Variants in CCDC191 observed in about 807,000 individuals in gnomAD.
The protein encoded by CCDC191 is coiled-coil domain containing 191, also known as coiled-coil domain-containing protein 191.
In CCDC191, 99 loss-of-function variants were observed where a neutral mutation model predicts 114.0. That is an observed-to-expected ratio of 0.87 (90% confidence interval 0.74 to 1.03). The LOEUF (loss-of-function observed/expected upper bound fraction) is 1.03, where lower values mean the gene tolerates loss of function less well. Ranked by LOEUF, CCDC191 falls within the 50% of genes least tolerant of loss-of-function variation. The probability of loss-of-function intolerance (pLI) is 0.00; values close to 1 mark genes in which losing one functional copy is unlikely to be tolerated. For synonymous variants in CCDC191, 351 were observed against 376.0 expected, an observed-to-expected ratio of 0.93 and a Z score of 0.77; for missense variants, 973 against 1,087.0, an observed-to-expected ratio of 0.90 and a Z score of 1.47.
At chr3:113,976,285 C>G (rs1941338929) in intron 16 of CCDC191, among the ~76,000 whole-genome samples, 1 of 150,584 alleles carries the variant, frequency 6.6e-6, no homozygotes, top group Non-Finnish European at 1.5e-5. Flanking sequence ...CAAAACAAAA[C>G]ACAAAAACAA....
At chr3:113,969,048 A>C (rs1281793962) in intron 16 of CCDC191, among the ~76,000 whole-genome samples, 2 of 152,142 alleles carry the variant, frequency 1.3e-5, no homozygotes, top group East Asian at 1.9e-4. Context: ...AGGAAAGCAA[A>C]GAAAAAGGGG....
intron 8 of CCDC191, among the ~76,000 whole-genome samples, chr3:114,017,045 A>G (rs909705320): frequency 6.6e-6 from 1 of 151,882 alleles, no homozygotes; most frequent in Non-Finnish European, 1.5e-5. Context: ...CCAGCATATC[A>G]TAGGAAAGGG....
chr3:114,008,089 T>A (rs915392967), intron 9 of CCDC191, among the ~76,000 whole-genome samples: 5 of 147,220 alleles, frequency 3.4e-5, no homozygotes, highest in African/African-American at 9.8e-5. Flanking sequence ...ACTATATATA[T>A]AAATTACTAT....
chr3:113,996,868 C>G (rs566651254), intron 13 of CCDC191, among the ~76,000 whole-genome samples: 145 of 91,894 alleles, frequency 1.6e-3, no homozygotes, highest in Admixed American at 4.0e-3. Flanking sequence ...CTGGGGCCTG[C>G]TGGGGGGTGG....
In CCDC191 at chr3:114,031,866, G is replaced by C. The variant is rs2076410596; in HGVS notation, c.819-87C>G. On this transcript the variant is annotated intron_variant, in intron 6 of 16. Coordinates refer to ENST00000295878, the MANE Select transcript of CCDC191 (RefSeq NM_020817.2). ...AACCTACTGTAGCAGAATAATCACT[G>C]AATTCTCCTTCGGAATACACATATT... The C allele has an allele frequency of 9.3e-6, 6 of 647,888 alleles. No homozygotes were observed. In the Admixed American group the frequency reaches 1.9e-4, roughly 21 times the overall value. 40.1% of individuals were successfully genotyped at this position (647,888 alleles called of 1,614,324 possible).
In CCDC191 at chr3:113,964,737, T is replaced by TAC. The variant is rs1939939449; in HGVS notation, c.*417_*418insGT. 1 of 152,596 alleles carries TAC rather than the reference T, an allele frequency of 6.6e-6. No homozygotes were observed. The highest frequency in any genetic ancestry group is 6.5e-5 in the Admixed American group (1 of 15,286). 9.5% of individuals were successfully genotyped at this position (152,596 alleles called of 1,614,324 possible). A position where few individuals can be genotyped will look rare whatever the true frequency, so the allele number is the denominator to read the frequency against. On this transcript the variant is annotated 3_prime_UTR_variant, in exon 17 of 17. Transcript: ENST00000295878. ...CACTGATGCTACTGCACTAGAAGGC[T>TAC]GAGTGCCTTGGCCCGCCCTTCCTTT... is the stretch of plus-strand genomic sequence containing the variant.
chr3:113,966,178 GAC>G (rs1345093475), intron 16 of CCDC191, among the ~76,000 whole-genome samples: 7 of 152,140 alleles, frequency 4.6e-5, no homozygotes, highest in Admixed American at 2.0e-4. Context: ...CTGGTAACCT[GAC>G]CTCCAACAGC....
chr3:114,050,663 T>G (rs1360656449), intron 2 of CCDC191, among the ~76,000 whole-genome samples: 2 of 152,118 alleles, frequency 1.3e-5, no homozygotes, highest in Non-Finnish European at 2.9e-5. Context: ...GGAAGGAGAC[T>G]GGCTTGACGG....
intron 14 of CCDC191, among the ~76,000 whole-genome samples, 169 bp from the exon 15 acceptor site, chr3:113,979,179 A>G (rs2075048257): frequency 1.3e-5 from 2 of 152,224 alleles, no homozygotes; most frequent in Admixed American, 6.6e-5. Flanking sequence ...GACCTATTCT[A>G]TGGAGGTTAT....
chr3:114,003,368 C>T (rs2075889910), intron 11 of CCDC191: 1 of 985,098 alleles, frequency 1.0e-6, no homozygotes, highest in African/African-American at 1.7e-5. Context: ...AATTAATAAA[C>T]AAAAAACTCA....
intron 13 of CCDC191, among the ~76,000 whole-genome samples, chr3:113,989,459 A>G (rs2075483246): frequency 6.6e-6 from 1 of 152,250 alleles, no homozygotes; most frequent in African/African-American, 2.4e-5. Flanking sequence ...TTCTTGGAAC[A>G]TAAGGAACTT....
intron 8 of CCDC191, among the ~76,000 whole-genome samples, chr3:114,012,276 C>G (rs1274139557): frequency 2.0e-5 from 3 of 152,008 alleles, no homozygotes; most frequent in Non-Finnish European, 2.9e-5. Flanking sequence ...ACCCTTACCA[C>G]AAGAGATATA....
intron 14 of CCDC191, 76 bp downstream of exon 14, chr3:113,980,574 C>G: frequency 6.6e-6 from 9 of 1,370,196 alleles, no homozygotes; most frequent in Non-Finnish European, 7.8e-6. Context: ...CTACCCTCCC[C>G]CAAGCTTAAC....
intron 9 of CCDC191, among the ~76,000 whole-genome samples, chr3:114,007,763 T>C (rs1427238730): frequency 1.3e-5 from 2 of 152,056 alleles, no homozygotes; most frequent in Admixed American, 1.3e-4. Context: ...TTTGGAAAAA[T>C]TCAAGGTACA....
chr3:114,028,754 TCA>T (rs893760355), intron 7 of CCDC191, among the ~76,000 whole-genome samples: 10 of 150,470 alleles, frequency 6.6e-5, no homozygotes, highest in African/African-American at 1.9e-4. Flanking sequence ...TATTATAAAT[TCA>T]CAGTTATTTT....
At chr3:114,048,410 C>G (rs2076658717) in intron 2 of CCDC191, among the ~76,000 whole-genome samples, 1 of 152,220 alleles carries the variant, frequency 6.6e-6, no homozygotes, top group African/African-American at 2.4e-5. Flanking sequence ...TTATAATGCG[C>G]TTCCAGGTCC....
At chr3:114,013,570 TA>T (rs1405839843) in intron 8 of CCDC191, among the ~76,000 whole-genome samples, 1 of 152,206 alleles carries the variant, frequency 6.6e-6, no homozygotes, top group African/African-American at 2.4e-5. Context: ...CAGATAATCA[TA>T]AATGGAAGGG....
At chr3:114,002,433 A>G (rs962938432) in intron 12 of CCDC191, 23 bp downstream of exon 12, 2 of 1,523,262 alleles carry the variant, frequency 1.3e-6, no homozygotes, top group Admixed American at 3.6e-5. Flanking sequence ...TTTTTGACTC[A>G]GTTTGCATTT....
chr3:113,965,060 A>C lies in CCDC191; in HGVS notation c.*95T>G. ...ATCTAAGAAGTAGCTCGTAGAGAAT[A>C]AACCAGGTGTATGTATGTATGTGTG... On this transcript the variant is annotated 3_prime_UTR_variant, in exon 17 of 17. Transcript: ENST00000295878. The C allele has an allele frequency of 1.6e-6, 1 of 639,940 alleles. No individual in the cohort carries two copies. Among genetic ancestry groups the C allele is most frequent in the Non-Finnish European group, 2.6e-6 (1 of 390,088 alleles). 39.6% of individuals were successfully genotyped at this position (639,940 alleles called of 1,614,324 possible).
Sources: gnomAD v4.1 joint callset for allele counts (sites outside exome capture counted in the v4.1 genomes callset) on GRCh38, gnomAD v4.1.1 for gene constraint, MANE v1.5 for transcripts, NCBI Gene and HGNC (gene_info 2026-07-23, HGNC 2026-07-21) for gene names.